ZNF385D: variants seen among roughly 807,000 people sequenced by gnomAD.
ZNF385D encodes the protein zinc finger protein 385D.
Under a neutral mutation model 35.8 loss-of-function variants are expected in ZNF385D, and 15 were observed. That is an observed-to-expected ratio of 0.42 (90% CI 0.28 to 0.64). The LOEUF is 0.64. Ranked by LOEUF, ZNF385D falls within the 30% of genes least tolerant of loss-of-function variation. The probability of loss-of-function intolerance (pLI) is 0.23; values close to 1 mark genes in which losing one functional copy is unlikely to be tolerated. For synonymous variants in ZNF385D, 212 were observed against 186.8 expected (o/e 1.13, Z -1.10); for missense variants, 474 against 494.6 (o/e 0.96, Z 0.39).
At chr3:22,102,754 A>G (rs1702004559) in intron 3 of ZNF385D, among the ~76,000 whole-genome samples, 1 of 152,244 alleles carries the variant, frequency 6.6e-6, no homozygotes, top group Non-Finnish European at 1.5e-5. Flanking sequence ...AAGATTAAAG[A>G]AAACTCATAT....
At chr3:22,351,553 A>G (rs930317288) in intron 2 of ZNF385D, among the ~76,000 whole-genome samples, 1 of 152,188 alleles carries the variant, frequency 6.6e-6, no homozygotes, top group African/African-American at 2.4e-5. Context: ...ACAATGCTAC[A>G]ATATAAGCAG....
intron 1 of ZNF385D, among the ~76,000 whole-genome samples, chr3:21,725,891 C>G (rs1427905055): frequency 1.3e-5 from 2 of 152,088 alleles, no homozygotes; most frequent in African/African-American, 4.8e-5. Flanking sequence ...AAATTTCAGG[C>G]CAATATCCCT....
intron 3 of ZNF385D, among the ~76,000 whole-genome samples, chr3:22,126,048 T>C (rs1173636061): frequency 5.9e-5 from 9 of 152,076 alleles, no homozygotes; most frequent in Admixed American, 2.6e-4. Context: ...TCTCTATGAG[T>C]ATGTAATATA....
chr3:21,531,602 T>G (rs551707735), intron 3 of ZNF385D, among the ~76,000 whole-genome samples: 11 of 152,282 alleles, frequency 7.2e-5, no homozygotes, highest in African/African-American at 2.4e-4. Flanking sequence ...ATCAAGCCAT[T>G]AAAAGTCATA....
At chr3:22,326,389 G>C (rs989172713) in intron 2 of ZNF385D, among the ~76,000 whole-genome samples, 3 of 152,166 alleles carry the variant, frequency 2.0e-5, no homozygotes, top group African/African-American at 7.2e-5. Context: ...AGAAGCTCGT[G>C]GGGTGGGAGT....
chr3:21,605,033 G>A (rs747157228), intron 2 of ZNF385D, among the ~76,000 whole-genome samples: 6 of 152,190 alleles, frequency 3.9e-5, no homozygotes, highest in Non-Finnish European at 8.8e-5. Context: ...GAAAGATTCT[G>A]AAGTGTAGAA....
At chr3:22,077,870 A>T (rs181955256) in intron 3 of ZNF385D, among the ~76,000 whole-genome samples, 140 of 151,512 alleles carry the variant, frequency 9.2e-4, no homozygotes, top group Admixed American at 1.7e-3. Context: ...CATGTGAGAC[A>T]CCCCCCACTC....
intron 3 of ZNF385D, among the ~76,000 whole-genome samples, chr3:21,914,253 G>C (rs560082494): frequency 6.6e-6 from 1 of 152,004 alleles, no homozygotes; most frequent in East Asian, 1.9e-4. Context: ...TTTCTTGAAG[G>C]GGGTGAGTTA....
At chr3:21,562,552 G>A (rs1023879485) in intron 3 of ZNF385D, among the ~76,000 whole-genome samples, 1 of 152,104 alleles carries the variant, frequency 6.6e-6, no homozygotes, top group South Asian at 2.1e-4. Flanking sequence ...TAAAAGAAGT[G>A]TGCTTAATAA....
chr3:21,860,941 A>C (rs978398155), intron 3 of ZNF385D, among the ~76,000 whole-genome samples: 1 of 152,140 alleles, frequency 6.6e-6, no homozygotes, highest in Admixed American at 6.6e-5. Flanking sequence ...GATTTCTTTT[A>C]GTCTCTAGGC....
At position 22,372,544 on chromosome 3, in the gene ZNF385D, T is replaced by G. The variant is rs529708567; in HGVS notation, c.12A>C (p.Pro4=). The G allele has an allele frequency of 2.4e-5, 24 of 985,730 alleles. No individual in the cohort carries two copies. In the East Asian group the frequency reaches 2.3e-3, roughly 94 times the overall value. The allele number at this position is 985,730 out of a possible 1,614,324, so 61.1% of individuals were successfully genotyped here. The change falls in exon 2 of 6, where the codon CCA becomes CCC. Residue 4 remains proline, a synonymous_variant. Coordinates refer to the ZNF385D transcript ENST00000494108. ...TCCTGCTGGCGGCCGCCCGGCGCCC[T>G]GGCCCTGGCATCCGGGAGGAGCAGC...
At chr3:22,039,317 G>A (rs1301357474) in intron 3 of ZNF385D, among the ~76,000 whole-genome samples, 1 of 150,084 alleles carries the variant, frequency 6.7e-6, no homozygotes, top group African/African-American at 2.4e-5. Context: ...CAGATGGCAT[G>A]CTATTCCCAG....
At chr3:21,971,581 A>G (rs1315049511) in intron 3 of ZNF385D, among the ~76,000 whole-genome samples, 1 of 151,770 alleles carries the variant, frequency 6.6e-6, no homozygotes, top group African/African-American at 2.4e-5. Context: ...GGCCAAAAAA[A>G]TGAAAAAATG....
chr3:21,507,442 A>G (rs866259787), intron 4 of ZNF385D, among the ~76,000 whole-genome samples: 1 of 152,168 alleles, frequency 6.6e-6, no homozygotes, highest in South Asian at 2.1e-4. Flanking sequence ...ATGTGTCTCT[A>G]TCTTTTATAT....
At position 21,684,265 on chromosome 3, in the gene ZNF385D, G is replaced by C. The variant is rs73138846; in HGVS notation, c.23-19237C>G. ...TAACTGAGAATACTTTCCCACTGCT[G>C]ACTCTCTTCTGGTTAGAAGCTCTGG... On this transcript the variant is annotated intron_variant, in intron 1 of 7. Coordinates refer to ENST00000281523, the MANE Select transcript of ZNF385D (RefSeq NM_024697.3). Among the ~76,000 whole-genome samples the C allele has an allele frequency of 3.0e-4, 44 of 147,014 alleles. 1 individual carries two copies. The highest frequency in any genetic ancestry group is 8.0e-4 in the African/African-American group (32 of 39,806).
At chr3:21,896,090 G>T (rs1699120045) in intron 3 of ZNF385D, among the ~76,000 whole-genome samples, 1 of 152,090 alleles carries the variant, frequency 6.6e-6, no homozygotes, top group Admixed American at 6.5e-5. Context: ...GAATTAATGA[G>T]GCTCCTGATA....
rs1696725195 is a variant in ZNF385D at position 22,367,827 on chromosome 3, AG to A, written c.106+4622del. Among the ~76,000 whole-genome samples, 6 of 152,186 alleles carry A rather than the reference AG, an allele frequency of 3.9e-5. 1 individual carries two copies. The South Asian group carries it at 1.2e-3, about 31-fold the overall frequency. ...TCAGAACATATAAGATAACAAAAAA[AG>A]TTAACAGGGAACATCTGGCCTCATG... is the stretch of plus-strand genomic sequence containing the variant. On this transcript the variant is annotated intron_variant, in intron 2 of 5. Coordinates refer to the ZNF385D transcript ENST00000494108.
intron 3 of ZNF385D, among the ~76,000 whole-genome samples, chr3:22,160,706 A>G (rs1705891698): frequency 6.6e-6 from 1 of 152,146 alleles, no homozygotes; most frequent in African/African-American, 2.4e-5. Context: ...ATGAACACCA[A>G]AAGACTCTAG....
chr3:22,160,796 C>T (rs1705901013), intron 3 of ZNF385D, among the ~76,000 whole-genome samples: 2 of 151,978 alleles, frequency 1.3e-5, no homozygotes, highest in African/African-American at 4.8e-5. Flanking sequence ...ATAAATTAAC[C>T]CAAATATGAC....
Sources: allele counts gnomAD v4.1 joint callset (sites outside exome capture counted in the v4.1 genomes callset), GRCh38; gene constraint gnomAD v4.1.1; transcripts MANE v1.5; gene names NCBI Gene and HGNC (gene_info 2026-07-23, HGNC 2026-07-21).